Variants in COPS7B observed in about 807,000 individuals in gnomAD.
COPS7B encodes the protein COP9 signalosome complex subunit 7b.
Under a neutral mutation model 33.4 loss-of-function variants are expected in COPS7B, and 9 were observed. The observed-to-expected ratio is 0.27, with a 90% CI of 0.16 to 0.47. The LOEUF (loss-of-function observed/expected upper bound fraction) is 0.47, where lower values mean the gene tolerates loss of function less well. Ranked by LOEUF, COPS7B falls within the 20% of genes least tolerant of loss-of-function variation. The probability of loss-of-function intolerance (pLI) is 0.99; values close to 1 mark genes in which losing one functional copy is unlikely to be tolerated. For synonymous variants in COPS7B, 119 were observed against 126.3 expected (o/e 0.94, Z 0.39); for missense variants, 242 against 318.2 (o/e 0.76, Z 1.82).
In COPS7B at chr2:231,796,094, C is replaced by T. The variant is rs1187723252; in HGVS notation, c.328-12C>T. 1.2e-6 allele frequency: 2 copies of T among 1,610,696 alleles called. No homozygotes were observed. The highest frequency in any genetic ancestry group is 1.1e-5 in the South Asian group (1 of 90,922). On this transcript the variant is annotated splice_polypyrimidine_tract_variant and intron_variant, in intron 4 of 6. Coordinates refer to ENST00000350033, the MANE Select transcript of COPS7B (RefSeq NM_022730.4). ...GATGGTTTTTATAATGATCACATGG[C>T]CTTATCTACAGTGTATCCCCTACTC...
At chr2:231,803,729 G>T (rs6713221) in intron 6 of COPS7B, among the ~76,000 whole-genome samples, 49 of 152,292 alleles carry the variant, frequency 3.2e-4, no homozygotes, top group African/African-American at 1.0e-3. Context: ...TGAAGCAGAG[G>T]GTCAGCCCTT....
At chr2:231,805,574 C>T (rs2049871469) in intron 6 of COPS7B, among the ~76,000 whole-genome samples, 1 of 151,468 alleles carries the variant, frequency 6.6e-6, no homozygotes, top group South Asian at 2.1e-4. Flanking sequence ...AGTGATCCTC[C>T]TGCCTCAGCC....
intron 6 of COPS7B, among the ~76,000 whole-genome samples, chr2:231,804,231 A>G (rs1208876936): frequency 2.0e-5 from 3 of 149,464 alleles, no homozygotes; most frequent in African/African-American, 7.5e-5. Flanking sequence ...GTAGAAAACT[A>G]TTTGTAGTAT....
chr2:231,801,691 C>T (rs987166197), intron 6 of COPS7B, among the ~76,000 whole-genome samples: 2 of 149,438 alleles, frequency 1.3e-5, no homozygotes, highest in Non-Finnish European at 3.0e-5. Flanking sequence ...TGGTCTTGAG[C>T]GCCTAACCTC....
At chr2:231,783,453 T>C (rs1459903148), upstream of COPS7B, among the ~76,000 whole-genome samples, 1 of 152,222 alleles carries the variant, frequency 6.6e-6, no homozygotes, top group Non-Finnish European at 1.5e-5. Context: ...TCAGTCTTCT[T>C]AATTGTAGCC....
intron 6 of COPS7B, among the ~76,000 whole-genome samples, chr2:231,799,453 G>A (rs1361445023): frequency 6.6e-6 from 1 of 152,170 alleles, no homozygotes; most frequent in Non-Finnish European, 1.5e-5. Context: ...TATTATAAAT[G>A]TGTAAAATGC....
At chr2:231,800,992 G>A (rs941786317) in intron 6 of COPS7B, 6 of 696,564 alleles carry the variant, frequency 8.6e-6, no homozygotes, top group Non-Finnish European at 1.5e-5. Flanking sequence ...AATAGCTACT[G>A]ACTTGAAAGG....
intron 3 of COPS7B, chr2:231,793,603 C>T (rs988261022): frequency 6.6e-6 from 1 of 152,114 alleles, no homozygotes; most frequent in African/African-American, 2.4e-5. Context: ...TCAACTCAAA[C>T]TCCATCTCTT....
chr2:231,783,714 G>C (rs983083704), upstream of COPS7B, among the ~76,000 whole-genome samples: 3 of 152,040 alleles, frequency 2.0e-5, no homozygotes, highest in African/African-American at 7.2e-5. Context: ...TCTCTTACTG[G>C]TGTCTTTTGA....
chr2:231,785,420 A>G (rs2049216444), upstream of COPS7B, among the ~76,000 whole-genome samples: 1 of 152,116 alleles, frequency 6.6e-6, no homozygotes, highest in Non-Finnish European at 1.5e-5. Flanking sequence ...CTCTGTGACA[A>G]TGGGCACTAC....
At chr2:231,800,827 T>C (rs899493656) in intron 6 of COPS7B, among the ~76,000 whole-genome samples, 4 of 152,210 alleles carry the variant, frequency 2.6e-5, no homozygotes, top group Non-Finnish European at 5.9e-5. Context: ...TAATAATCTT[T>C]TAGAAAATCT....
chr2:231,786,430 A>G (rs2049243135), upstream of COPS7B: 3 of 985,642 alleles, frequency 3.0e-6, no homozygotes, highest in Non-Finnish European at 3.6e-6. Context: ...GGGTCGGCGG[A>G]GACAGAAAAG....
Position 231,807,483 on chromosome 2 carries a change from C to A in COPS7B, c.637-4C>A. The A allele has an allele frequency of 6.2e-7, 1 of 1,609,880 alleles. No individual in the cohort carries two copies. The highest frequency in any genetic ancestry group is 8.5e-7 in the Non-Finnish European group (1 of 1,177,846). ...AGCACTCCAATTCTATATCTCCCCA[C>A]CAGGTTACCAACATCAAGAAGACAC... is the stretch of plus-strand genomic sequence containing the variant. On this transcript the variant is annotated splice_region_variant and splice_polypyrimidine_tract_variant and intron_variant, in intron 6 of 6. Coordinates refer to ENST00000350033, the MANE Select transcript of COPS7B (RefSeq NM_022730.4).
chr2:231,792,398 A>G (rs1289783449), intron 3 of COPS7B: 2 of 231,360 alleles, frequency 8.6e-6, no homozygotes, highest in African/African-American at 4.6e-5. Flanking sequence ...AGGCTGAGGC[A>G]GCAGAATTGC....
chr2:231,803,211 G>A (rs2049797299), intron 6 of COPS7B, among the ~76,000 whole-genome samples: 1 of 152,210 alleles, frequency 6.6e-6, no homozygotes, highest in Non-Finnish European at 1.5e-5. Context: ...GGCTGCAGCA[G>A]TCAGGGCAGT....
At chr2:231,788,946 C>A in intron 2 of COPS7B, 1 of 473,318 alleles carries the variant, frequency 2.1e-6, no homozygotes, top group Non-Finnish European at 3.7e-6. Flanking sequence ...TAGATTGTTG[C>A]TAATAATAAC....
At position 231,807,733 on chromosome 2, in the gene COPS7B, G is replaced by A; in HGVS notation, c.*88G>A. ...CCATTTCCTCCCCTCTCTACCTGCA[G>A]TGAGTTCCAGACCTGCCCGTCCCCT... On this transcript the variant is annotated 3_prime_UTR_variant, in exon 7 of 7. Transcript: ENST00000350033. 1 of 1,273,346 alleles carries A rather than the reference G, an allele frequency of 7.9e-7. No homozygotes were observed. Among genetic ancestry groups the A allele is most frequent in the Non-Finnish European group, 1.1e-6 (1 of 936,296 alleles). The allele number at this position is 1,273,346 out of a possible 1,614,324, so 78.9% of individuals were successfully genotyped here.
chr2:231,802,427 T>C (rs577180824), intron 6 of COPS7B, among the ~76,000 whole-genome samples: 1 of 152,334 alleles, frequency 6.6e-6, no homozygotes, highest in East Asian at 1.9e-4. Context: ...CCCAGAAAGC[T>C]CTTTCTCCTT....
At chr2:231,801,283 A>G in intron 6 of COPS7B, 1 of 1,535,662 alleles carries the variant, frequency 6.5e-7, no homozygotes, top group Non-Finnish European at 8.8e-7. Context: ...TATTCTCTCC[A>G]TTTAGGCTTT....
Sources: allele counts gnomAD v4.1 joint callset (sites outside exome capture counted in the v4.1 genomes callset), GRCh38; gene constraint gnomAD v4.1.1; transcripts MANE v1.5; gene names NCBI Gene and HGNC (gene_info 2026-07-23, HGNC 2026-07-21).